LARGE1: variants seen among roughly 807,000 people sequenced by gnomAD.
The protein encoded by LARGE1 is LARGE xylosyl- and glucuronyltransferase 1, also known as xylosyl- and glucuronyltransferase LARGE1.
Under a neutral mutation model 87.6 loss-of-function variants are expected in LARGE1, and 43 were observed. The observed-to-expected ratio is 0.49, with a 90% confidence interval of 0.38 to 0.63. The LOEUF (loss-of-function observed/expected upper bound fraction) is 0.63. LARGE1 is among the 30% of genes least tolerant of loss of function. The pLI is 0.00. For synonymous variants in LARGE1, 434 were observed against 394.6 expected (o/e 1.10, Z -1.18); for missense variants, 802 against 1,000.2 (o/e 0.80, Z 2.67).
intron 7 of LARGE1, among the ~76,000 whole-genome samples, chr22:33,387,238 A>C (rs2065356512): frequency 6.7e-6 from 1 of 148,504 alleles, no homozygotes; most frequent in Non-Finnish European, 1.5e-5. Context: ...CAGCCCCGCC[A>C]ACATGGCGAA....
intron 11 of LARGE1, among the ~76,000 whole-genome samples, chr22:33,237,462 G>A (rs1336799915): frequency 2.0e-5 from 3 of 151,390 alleles, no homozygotes; most frequent in African/African-American, 7.3e-5. Context: ...TTAAGGAAAT[G>A]AATGTTTATG....
At chr22:33,089,321 T>TTTCTTCCTCTTCTTCTTCTTCTTC in the LARGE1 span, among the ~76,000 whole-genome samples, 1 of 87,046 alleles carries the variant, frequency 1.1e-5, no homozygotes, top group Non-Finnish European at 2.2e-5. Flanking sequence ...TTCTTTCTTC[T>TTTCTTCCTCTTCTTCTTCTTCTTC]TTCTTCTTCT....
chr22:33,109,229 G>A, the LARGE1 span: 1 of 151,978 alleles, frequency 6.6e-6, no homozygotes, highest in East Asian at 1.9e-4. Context: ...CATCTAACAA[G>A]CCAGGTTTGG....
chr22:33,895,015 A>G (rs1352067561), intron 1 of LARGE1, among the ~76,000 whole-genome samples: 1 of 151,960 alleles, frequency 6.6e-6, no homozygotes, highest in Non-Finnish European at 1.5e-5. Flanking sequence ...AGAAAATCTG[A>G]TCACCGATCA....
At chr22:33,374,843 AT>A (rs1287092492) in intron 9 of LARGE1, among the ~76,000 whole-genome samples, 1 of 152,124 alleles carries the variant, frequency 6.6e-6, no homozygotes, top group African/African-American at 2.4e-5. Context: ...AAATAACTAA[AT>A]TTCCATGTTA....
intron 10 of LARGE1, among the ~76,000 whole-genome samples, chr22:33,326,107 A>G (rs959442051): frequency 6.6e-6 from 1 of 152,166 alleles, no homozygotes; most frequent in African/African-American, 2.4e-5. Flanking sequence ...TTTTTTACTA[A>G]GGAAACCAAA....
At chr22:33,159,588 T>A (rs1409277531), downstream of LARGE1, among the ~76,000 whole-genome samples, 4 of 151,616 alleles carry the variant, frequency 2.6e-5, no homozygotes, top group Admixed American at 2.0e-4. Flanking sequence ...TTTAAATTTT[T>A]TTTTTTTTTT....
chr22:33,531,638 G>T (rs539085945), intron 6 of LARGE1, among the ~76,000 whole-genome samples: 1 of 152,220 alleles, frequency 6.6e-6, no homozygotes, highest in African/African-American at 2.4e-5. Flanking sequence ...TTGTAATTGT[G>T]TGCTGCTGTC....
In LARGE1 at chr22:33,564,992, GT is replaced by G. The variant is rs781379054; in HGVS notation, c.642del (p.Lys214AsnfsTer9). The G allele has an allele frequency of 6.2e-7, 1 of 1,614,152 alleles. No individual in the cohort carries two copies. Among genetic ancestry groups the G allele is most frequent in the East Asian group, 2.2e-5 (1 of 44,880 alleles). Reference sequence around the variant, plus strand: ...ATCAGACCATAAATCCCAGAGTAATGTTTATTGGGGATCCAGGAAACTTCAG... The same window carrying G: ...ATCAGACCATAAATCCCAGAGTAATGTTATTGGGGATCCAGGAAACTTCAG... ...LKSEVSWIPN[K>X]HYSGIYGLMK... On this transcript the variant is annotated frameshift_variant, in exon 6 of 15. Coordinates refer to ENST00000397394, the MANE Select transcript of LARGE1 (RefSeq NM_133642.5). LOFTEE classifies it high-confidence loss of function.
intron 11 of LARGE1, among the ~76,000 whole-genome samples, chr22:33,176,223 T>C (rs113037548): frequency 2.2e-4 from 34 of 152,056 alleles, no homozygotes; most frequent in East Asian, 9.7e-4. Context: ...CTAGGCAATA[T>C]CATTCAGGAC....
intron 10 of LARGE1, among the ~76,000 whole-genome samples, chr22:33,334,306 C>G (rs1218249664): frequency 6.7e-6 from 1 of 148,726 alleles, no homozygotes; most frequent in Admixed American, 6.8e-5. Flanking sequence ...CCTGGCTACT[C>G]AGGAAGCTGA....
intron 6 of LARGE1, among the ~76,000 whole-genome samples, chr22:33,529,281 T>C (rs2072077213): frequency 6.6e-6 from 1 of 152,158 alleles, no homozygotes; most frequent in Admixed American, 6.5e-5. Context: ...CCCTGAGCTC[T>C]CTATCCTCCC....
At chr22:33,870,509 T>C (rs989473143) in intron 1 of LARGE1, among the ~76,000 whole-genome samples, 1 of 152,104 alleles carries the variant, frequency 6.6e-6, no homozygotes, top group Non-Finnish European at 1.5e-5. Flanking sequence ...ACAAACTCAT[T>C]TTATTCCCAC....
chr22:33,445,439 T>C (rs2067646889), intron 6 of LARGE1, among the ~76,000 whole-genome samples: 1 of 152,048 alleles, frequency 6.6e-6, no homozygotes. Flanking sequence ...AAGGATTTAA[T>C]AGACATCTGA....
At chr22:33,742,723 A>T (rs2083932128) in intron 2 of LARGE1, among the ~76,000 whole-genome samples, 1 of 152,218 alleles carries the variant, frequency 6.6e-6, no homozygotes, top group African/African-American at 2.4e-5. Context: ...ACAAAAGTAC[A>T]ATGTCTTTTT....
intron 6 of LARGE1, among the ~76,000 whole-genome samples, chr22:33,555,183 A>G (rs1232543171): frequency 6.6e-6 from 1 of 152,214 alleles, no homozygotes; most frequent in African/African-American, 2.4e-5. Context: ...TAAAGCATAC[A>G]GGAGGATGTC....
chr22:33,397,789 C>T (rs2065800673), intron 7 of LARGE1, among the ~76,000 whole-genome samples: 1 of 152,194 alleles, frequency 6.6e-6, no homozygotes, highest in Non-Finnish European at 1.5e-5. Context: ...TCCGCAGTCC[C>T]ACTAAAAACT....
intron 3 of LARGE1, among the ~76,000 whole-genome samples, chr22:33,634,983 T>C (rs529209795): frequency 1.3e-5 from 2 of 152,184 alleles, no homozygotes; most frequent in East Asian, 3.9e-4. Context: ...CCAGGCGCAG[T>C]GGCGGGCACC....
chr22:33,414,216 A>G (rs2066408476), intron 7 of LARGE1, among the ~76,000 whole-genome samples: 1 of 152,206 alleles, frequency 6.6e-6, no homozygotes, highest in South Asian at 2.1e-4. Flanking sequence ...TCACAGAAGT[A>G]CATAATACTG....
Sources: gnomAD v4.1 joint callset for allele counts (sites outside exome capture counted in the v4.1 genomes callset) on GRCh38, gnomAD v4.1.1 for gene constraint, MANE v1.5 for transcripts, NCBI Gene and HGNC (gene_info 2026-07-23, HGNC 2026-07-21) for gene names.